IQGAP3: variants seen among roughly 807,000 people sequenced by gnomAD.
IQGAP3 encodes ras GTPase-activating-like protein IQGAP3.
IQGAP3 carries 165 observed loss-of-function variants against 208.2 expected under a neutral mutation model. That is an observed-to-expected ratio of 0.79 (90% CI 0.70 to 0.90). IQGAP3 has a LOEUF of 0.90. Among genes scored for constraint, IQGAP3 ranks in the 40% least tolerant of loss-of-function variants. The pLI is 0.00. For synonymous variants in IQGAP3, 703 were observed against 803.6 expected (o/e 0.87, Z 2.12); for missense variants, 1,811 against 2,043.1 (o/e 0.89, Z 2.19).
chr1:156,568,267 T>G (rs1400657174), intron 2 of IQGAP3, among the ~76,000 whole-genome samples: 1 of 152,078 alleles, frequency 6.6e-6, no homozygotes, highest in Non-Finnish European at 1.5e-5. Context: ...CAGGCTGGAG[T>G]GCAATGGCAT....
intron 19 of IQGAP3, 39 bp downstream of exon 19, chr1:156,548,034 G>A (rs1440546769): frequency 6.3e-7 from 1 of 1,584,774 alleles, no homozygotes; most frequent in Non-Finnish European, 8.6e-7. Flanking sequence ...GCCCAGATAA[G>A]CCCAGGCCCT....
At chr1:156,559,275 G>A (rs910553379) in intron 11 of IQGAP3, among the ~76,000 whole-genome samples, 6 of 152,164 alleles carry the variant, frequency 3.9e-5, no homozygotes, top group Non-Finnish European at 8.8e-5. Context: ...GGGGCTCTAG[G>A]GACCAAGGCT....
At position 156,526,432 on chromosome 1, in the gene IQGAP3, T is replaced by C; in HGVS notation, c.*54A>G. The C allele has an allele frequency of 1.7e-6, 2 of 1,162,748 alleles. No individual in the cohort carries two copies. The highest frequency in any genetic ancestry group is 2.5e-5 in the South Asian group (2 of 81,112). 72.0% of individuals were successfully genotyped at this position (1,162,748 alleles called of 1,614,324 possible). ...GGGAAGCACAGTGGTGAGTTAGTGT[T>C]AAAGAAAGCATCCAGAGAGGTAAGA... On this transcript the variant is annotated 3_prime_UTR_variant, in exon 38 of 38. Transcript: ENST00000361170.
intron 37 of IQGAP3, among the ~76,000 whole-genome samples, chr1:156,527,151 A>G (rs186561057): frequency 1.3e-5 from 2 of 151,850 alleles, no homozygotes; most frequent in African/African-American, 4.8e-5. Flanking sequence ...TTCTTACTCA[A>G]AAGGTAAAAC....
Position 156,562,018 on chromosome 1 carries a change from C to G in IQGAP3, c.878-17G>C, listed in dbSNP as rs2102435416. On this transcript the variant is annotated splice_polypyrimidine_tract_variant and intron_variant, in intron 9 of 37. Transcript: ENST00000361170. Reference sequence around the variant, plus strand: ...CCCCATGGACTGAAAAAAAATGACTCCATAATGGACAGTGTGAGAAAGCCA... The same window carrying G: ...CCCCATGGACTGAAAAAAAATGACTGCATAATGGACAGTGTGAGAAAGCCA... 6 of 1,586,708 alleles carry G rather than the reference C, an allele frequency of 3.8e-6. No individual in the cohort carries two copies. In the East Asian group the frequency reaches 1.3e-4, roughly 36 times the overall value.
At chr1:156,530,029 T>G in intron 34 of IQGAP3, 76 bp downstream of exon 34, 1 of 1,217,550 alleles carries the variant, frequency 8.2e-7, no homozygotes, top group Non-Finnish European at 1.2e-6. Flanking sequence ...CCACCAACAC[T>G]ATGGATTAAC....
chr1:156,560,772 G>C (rs1676111650), intron 11 of IQGAP3, among the ~76,000 whole-genome samples, 162 bp downstream of exon 11: 1 of 152,174 alleles, frequency 6.6e-6, no homozygotes, highest in South Asian at 2.1e-4. Flanking sequence ...GTCCCCCCAG[G>C]CAGCAGGAAT....
chr1:156,542,174 A>G (rs988730190), intron 22 of IQGAP3, among the ~76,000 whole-genome samples: 6 of 152,202 alleles, frequency 3.9e-5, no homozygotes, highest in African/African-American at 1.4e-4. Flanking sequence ...ATCTGGCTAC[A>G]GTAGGGGAAC....
intron 12 of IQGAP3, 78 bp downstream of exon 12, chr1:156,556,455 G>T: frequency 7.0e-7 from 1 of 1,423,400 alleles, no homozygotes; most frequent in Non-Finnish European, 9.8e-7. Context: ...ACTCACAAGA[G>T]GGTGGCCTGG....
chr1:156,542,905 C>T (rs1285043658), intron 22 of IQGAP3, among the ~76,000 whole-genome samples: 4 of 151,874 alleles, frequency 2.6e-5, no homozygotes, highest in African/African-American at 9.7e-5. Context: ...CATGCCACTG[C>T]ACTCCAGCCA....
rs543997347 is a variant in IQGAP3, at chr1:156,525,963, C to A, written c.*523G>T. The A allele has an allele frequency of 1.2e-5, 2 of 160,078 alleles. No individual in the cohort carries two copies. Among genetic ancestry groups the A allele is most frequent in the East Asian group, 3.5e-4 (2 of 5,680 alleles). The allele number at this position is 160,078 out of a possible 1,614,324, so 9.9% of individuals were successfully genotyped here. A position where few individuals can be genotyped will look rare whatever the true frequency, so the allele number is the denominator to read the frequency against. ...GGGCACTAACACACACTGCATCCCC[C>A]CAGTCCCTGCCCAGGTTGGAGGGTG... is the stretch of plus-strand genomic sequence containing the variant. On this transcript the variant is annotated 3_prime_UTR_variant, in exon 38 of 38. Transcript: ENST00000361170.
At chr1:156,544,506 G>A (rs1388223794) in intron 19 of IQGAP3, 34 bp from the exon 20 acceptor site, 2 of 1,569,402 alleles carry the variant, frequency 1.3e-6, no homozygotes, top group Admixed American at 1.7e-5. Flanking sequence ...AGTAACTCAA[G>A]CAGGTCTCCT....
chr1:156,564,467 A>G (rs1676310046), intron 5 of IQGAP3, 148 bp downstream of exon 5: 1 of 683,458 alleles, frequency 1.5e-6, no homozygotes, highest in African/African-American at 1.8e-5. Context: ...AAATCTAAAC[A>G]CAACTCTGTA....
rs2102391015 is a variant in IQGAP3, at chr1:156,544,068, T to G, written c.2461-18A>C. On this transcript the variant is annotated intron_variant, in intron 21 of 37. Transcript: ENST00000361170. ...GAGTTAACCTGCCACAAACACAGAT[T>G]GGAAAAGGGTTGCTGGCTGTCCTTG... is the stretch of plus-strand genomic sequence containing the variant. 6.2e-7 allele frequency: 1 copy of G among 1,614,028 alleles called. No individual in the cohort carries two copies. Among genetic ancestry groups the G allele is most frequent in the Non-Finnish European group, 8.5e-7 (1 of 1,179,932 alleles).
intron 19 of IQGAP3, among the ~76,000 whole-genome samples, chr1:156,546,384 G>C (rs1675246665): frequency 1.3e-5 from 2 of 152,252 alleles, no homozygotes; most frequent in South Asian, 4.1e-4. Flanking sequence ...ACACAGCTTT[G>C]GTACTAGTGA....
At chr1:156,562,214 C>T (rs774871854) in intron 9 of IQGAP3, among the ~76,000 whole-genome samples, 5 of 152,058 alleles carry the variant, frequency 3.3e-5, no homozygotes, top group South Asian at 2.1e-4. Flanking sequence ...AGGATATCCT[C>T]ACCCAAATAG....
intron 4 of IQGAP3, among the ~76,000 whole-genome samples, chr1:156,565,230 G>A (rs948076071): frequency 6.6e-6 from 1 of 152,202 alleles, no homozygotes; most frequent in Non-Finnish European, 1.5e-5. Context: ...AGAACCGAGT[G>A]GCACCAGGTA....
Position 156,563,549 on chromosome 1 carries a change from T to TGG in IQGAP3, c.619+3_619+4insCC. 6.2e-7 allele frequency: 1 copy of TGG among 1,611,836 alleles called. No individual in the cohort carries two copies. Among genetic ancestry groups the TGG allele is most frequent in the Non-Finnish European group, 8.5e-7 (1 of 1,178,644 alleles). Reference sequence around the variant, plus strand: ...CTCCTGGCAGGGCAGAGCCTAGTCCTTACCTGCAGCCTCATCCACCGAGAG... The same window carrying TGG: ...CTCCTGGCAGGGCAGAGCCTAGTCCTGGTACCTGCAGCCTCATCCACCGAGAG... On this transcript the variant is annotated splice_donor_region_variant and intron_variant, in intron 7 of 37. Transcript: ENST00000361170.
chr1:156,538,674 A>G, intron 26 of IQGAP3, 135 bp downstream of exon 26: 1 of 674,788 alleles, frequency 1.5e-6, no homozygotes, highest in Admixed American at 2.4e-5. Context: ...AGCTGGTGTC[A>G]TATTTGCATA....
Sources: allele counts gnomAD v4.1 joint callset (sites outside exome capture counted in the v4.1 genomes callset), GRCh38; gene constraint gnomAD v4.1.1; transcripts MANE v1.5; gene names NCBI Gene and HGNC (gene_info 2026-07-23, HGNC 2026-07-21).